The following TNRC18 variants were observed in gnomAD, a reference collection of about 807,000 sequenced individuals.
TNRC18 encodes the protein trinucleotide repeat containing 18.
In TNRC18, 69 loss-of-function variants were observed where a neutral mutation model predicts 226.7. The observed-to-expected ratio is 0.30, with a 90% confidence interval of 0.25 to 0.37. The LOEUF is 0.37. TNRC18 is among the 10% of genes least tolerant of loss of function. TNRC18 has a pLI of 1.00. For synonymous variants in TNRC18, 2,449 were observed against 1,927.6 expected (o/e 1.27, Z -7.09); for missense variants, 4,754 against 4,256.6 (o/e 1.12, Z -3.25).
At chr7:5,325,494 G>T in intron 19 of TNRC18, 1 of 435,072 alleles carries the variant, frequency 2.3e-6, no homozygotes, top group Non-Finnish European at 4.1e-6. Flanking sequence ...CGCGATCTTG[G>T]CTCACTGCAA....
intron 24 of TNRC18, among the ~76,000 whole-genome samples, chr7:5,319,599 C>G (rs1049216141): frequency 2.6e-5 from 4 of 152,162 alleles, no homozygotes; most frequent in Non-Finnish European, 4.4e-5. Context: ...ACCTCCACTT[C>G]CCAGGTTTGA....
intron 17 of TNRC18, among the ~76,000 whole-genome samples, chr7:5,348,751 G>A (rs1327958837): frequency 2.0e-5 from 3 of 152,306 alleles, no homozygotes. Flanking sequence ...GATGAAGCAG[G>A]CTGGAGAGGC....
intron 16 of TNRC18, among the ~76,000 whole-genome samples, 175 bp downstream of exon 16, chr7:5,356,738 TCCC>T (rs67430912): frequency 7.0e-6 from 1 of 143,836 alleles, no homozygotes; most frequent in Non-Finnish European, 1.5e-5. Context: ...TCAGGCGGCC[TCCC>T]CCCCCACTTC....
chr7:5,335,592 G>A (rs777791962), intron 18 of TNRC18, among the ~76,000 whole-genome samples: 24 of 137,024 alleles, frequency 1.8e-4, no homozygotes, highest in Middle Eastern at 3.7e-3. Flanking sequence ...GTGACAGAGT[G>A]AGACTCCGTC....
Position 5,371,268 on chromosome 7 carries a change from C to A in TNRC18, c.3326G>T (p.Gly1109Val). 1 of 1,593,166 alleles carries A rather than the reference C, an allele frequency of 6.3e-7. No homozygotes were observed. ...LQPTAAADAD[G>V]LAPDVPLPAD... ...CGGGAGCGGCACATCAGGGGCCAAG[C>A]CGTCCGCGTCGGCGGCGGCCGTGGG... Residue 1109 changes from glycine to valine, a missense_variant, in exon 11 of 30, where the codon GGC becomes GTC. By Grantham distance (109) the Gly-to-Val change is moderately radical. Transcript: ENST00000430969.
At chr7:5,327,665 T>A (rs35289052) in intron 19 of TNRC18, among the ~76,000 whole-genome samples, 2,031 of 152,220 alleles carry the variant, frequency 0.013, 20 homozygotes, top group South Asian at 0.024. Flanking sequence ...AAATTACTGT[T>A]ATAATCAGAT....
At chr7:5,414,057 C>T (rs890771716) in intron 2 of TNRC18, among the ~76,000 whole-genome samples, 3 of 151,778 alleles carry the variant, frequency 2.0e-5, no homozygotes, top group African/African-American at 7.3e-5. Context: ...AGTGATTCTC[C>T]TGCCTCAGCC....
At position 5,377,094 on chromosome 7, in the gene TNRC18, C is replaced by T; in HGVS notation, c.2462-101G>A. Reference sequence around the variant, plus strand: ...CACCACCTCCCAAGTCCTGAACCTCCTGGGGCCTCCAGTGGGGAAGCCAAG... The same window carrying T: ...CACCACCTCCCAAGTCCTGAACCTCTTGGGGCCTCCAGTGGGGAAGCCAAG... On this transcript the variant is annotated intron_variant, in intron 7 of 29. Coordinates refer to ENST00000430969, the MANE Select transcript of TNRC18 (RefSeq NM_001080495.3). This position sits in a 1 kb window ranked among gnomAD's most constrained non-coding sequence, Gnocchi z 5.8. 6.8e-7 allele frequency: 1 copy of T among 1,476,308 alleles called. No individual in the cohort carries two copies. Among genetic ancestry groups the T allele is most frequent in the Non-Finnish European group, 9.0e-7 (1 of 1,105,014 alleles). 91.5% of individuals were successfully genotyped at this position (1,476,308 alleles called of 1,614,324 possible). A position where few individuals can be genotyped will look rare whatever the true frequency, so the allele number is the denominator to read the frequency against.
At chr7:5,361,432 C>T (rs1042386361) in intron 14 of TNRC18, among the ~76,000 whole-genome samples, 162 bp downstream of exon 14, 1 of 152,190 alleles carries the variant, frequency 6.6e-6, no homozygotes, top group Admixed American at 6.5e-5. Context: ...CCTCCTGGCC[C>T]GGGCAGCACA....
At position 5,388,701 on chromosome 7, in the gene TNRC18, C is replaced by G. The variant is rs1324021012; in HGVS notation, c.1123G>C (p.Val375Leu). 5.5e-6 allele frequency: 7 copies of G among 1,263,894 alleles called. No individual in the cohort carries two copies. The East Asian group carries it at 1.5e-4, about 26-fold the overall frequency. The allele number at this position is 1,263,894 out of a possible 1,614,324, so 78.3% of individuals were successfully genotyped here. A position where few individuals can be genotyped will look rare whatever the true frequency, so the allele number is the denominator to read the frequency against. The change falls in exon 5 of 30, where the codon GTG (valine) becomes CTG (leucine). Residue 375 changes from valine (V) to leucine (L), a missense_variant. Transcript: ENST00000430969. ...REHRVVAPTF[V>L]PSVEAFDERP... ...TCGTCGAAGGCCTCCACGGAAGGCACGAAGGTGGGCGCCACCACGCGGTGC... is the reference window on the plus strand; with the variant it reads ...TCGTCGAAGGCCTCCACGGAAGGCAGGAAGGTGGGCGCCACCACGCGGTGC...
chr7:5,380,029 C>G (rs1779289921), intron 5 of TNRC18, among the ~76,000 whole-genome samples: 1 of 152,246 alleles, frequency 6.6e-6, no homozygotes, highest in African/African-American at 2.4e-5. Context: ...CCCCACCCAG[C>G]TGTCCTAACT....
At chr7:5,338,376 G>A (rs939200587) in intron 18 of TNRC18, among the ~76,000 whole-genome samples, 1 of 152,174 alleles carries the variant, frequency 6.6e-6, no homozygotes, top group East Asian at 1.9e-4. Context: ...GAGAGCTGGC[G>A]TGGCTATACT....
In TNRC18 at chr7:5,389,471, T is replaced by TTTTTTTTTTTTCC. The variant is rs549108764; in HGVS notation, c.488-136_488-135insGGAAAAAAAAAAA. ...AGTGTTTTGGTTTTGGTTTTTTTTT[T>TTTTTTTTTTTTCC]CAGAAAGAGTCTCGCTCTCCTCACC... On this transcript the variant is annotated intron_variant, in intron 4 of 29. Transcript: ENST00000430969. 24 of 927,106 alleles carry TTTTTTTTTTTTCC rather than the reference T, an allele frequency of 2.6e-5. 1 individual carries two copies. Among genetic ancestry groups the TTTTTTTTTTTTCC allele is most frequent in the African/African-American group, 2.5e-4 (13 of 51,836 alleles). The allele number at this position is 927,106 out of a possible 1,614,324, so 57.4% of individuals were successfully genotyped here.
intron 5 of TNRC18, among the ~76,000 whole-genome samples, chr7:5,379,428 G>C (rs2128183715): frequency 6.6e-6 from 1 of 151,976 alleles, no homozygotes; most frequent in Admixed American, 6.6e-5. Flanking sequence ...AGATAGAAAA[G>C]TAAACCCAAA....
chr7:5,335,172 G>C (rs1191185138), intron 18 of TNRC18, among the ~76,000 whole-genome samples: 1 of 151,512 alleles, frequency 6.6e-6, no homozygotes, highest in African/African-American at 2.4e-5. Flanking sequence ...GCATGGTGGC[G>C]GGTGCCTATA....
chr7:5,411,840 A>C (rs182758800), intron 2 of TNRC18, among the ~76,000 whole-genome samples: 53 of 152,286 alleles, frequency 3.5e-4, no homozygotes, highest in African/African-American at 1.2e-3. Context: ...CTCCAAAAAA[A>C]ACAAAGCAGC....
chr7:5,384,901 C>A (rs1241478299), intron 5 of TNRC18, among the ~76,000 whole-genome samples: 1 of 152,258 alleles, frequency 6.6e-6, no homozygotes, highest in African/African-American at 2.4e-5. Context: ...CAAACACTCA[C>A]TGAGCATCGC....
chr7:5,343,297 T>C (rs570387521), intron 18 of TNRC18, among the ~76,000 whole-genome samples: 95 of 152,196 alleles, frequency 6.2e-4, no homozygotes, highest in African/African-American at 2.2e-3. Flanking sequence ...GAGATTGCAG[T>C]GAGCAGAGAT....
chr7:5,367,031 C>G (rs1225660247), intron 11 of TNRC18, among the ~76,000 whole-genome samples: 1 of 152,158 alleles, frequency 6.6e-6, no homozygotes, highest in Non-Finnish European at 1.5e-5. Context: ...CAAGTCATGA[C>G]AGTGGGCCTT....
Sources: gnomAD v4.1 joint callset for allele counts (sites outside exome capture counted in the v4.1 genomes callset) on GRCh38, gnomAD v4.1.1 for gene constraint, Gnocchi (gnomAD v3.1) non-coding constraint, MANE v1.5 for transcripts, NCBI Gene and HGNC (gene_info 2026-07-23, HGNC 2026-07-21) for gene names.